The following FHIT variants were observed in gnomAD, a reference collection of about 807,000 sequenced individuals.
FHIT encodes fragile histidine triad diadenosine triphosphatase, also known as bis(5'-adenosyl)-triphosphatase.
Under a neutral mutation model 17.9 loss-of-function variants are expected in FHIT, and 19 were observed. The observed-to-expected ratio is 1.06, with a 90% CI of 0.74 to 1.56. The LOEUF is 1.56. FHIT is among the 40% of genes most tolerant of loss of function. FHIT has a pLI of 0.00. For missense variants in FHIT, 248 were observed against 189.2 expected, an observed-to-expected ratio of 1.31 and a Z score of -1.82; for synonymous variants, 81 against 69.7, an observed-to-expected ratio of 1.16 and a Z score of -0.81.
At chr3:59,759,909 A>T (rs953334704) in intron 8 of FHIT, among the ~76,000 whole-genome samples, 81 of 152,236 alleles carry the variant, frequency 5.3e-4, no homozygotes, top group African/African-American at 1.9e-3. Flanking sequence ...AGTTCTTTGA[A>T]TATTACTTAG....
At chr3:60,017,415 G>A (rs1231414138) in intron 5 of FHIT, among the ~76,000 whole-genome samples, 1 of 152,150 alleles carries the variant, frequency 6.6e-6, no homozygotes. Context: ...CTGGCATTTT[G>A]CCCCTTCTCA....
At chr3:60,282,973 T>C (rs539761998) in intron 5 of FHIT, among the ~76,000 whole-genome samples, 60 of 152,080 alleles carry the variant, frequency 3.9e-4, no homozygotes, top group African/African-American at 1.4e-3. Flanking sequence ...GTTCCAAGAA[T>C]GGAGCTTAAA....
chr3:60,821,089 C>T (rs1422137872), intron 4 of FHIT, among the ~76,000 whole-genome samples: 1 of 151,974 alleles, frequency 6.6e-6, no homozygotes, highest in African/African-American at 2.4e-5. Context: ...GATTCTCCTG[C>T]CTCAGCCTCC....
intron 5 of FHIT, among the ~76,000 whole-genome samples, chr3:60,161,276 CCTTCCCATGG>C (rs1364816388): frequency 6.6e-6 from 1 of 152,174 alleles, no homozygotes. Flanking sequence ...ACAACCAAAC[CCTTCCCATGG>C]GCATCACGAA....
At chr3:60,726,988 C>T (rs1430170515) in intron 4 of FHIT, among the ~76,000 whole-genome samples, 1 of 152,128 alleles carries the variant, frequency 6.6e-6, no homozygotes, top group African/African-American at 2.4e-5. Context: ...TTTATAATAA[C>T]TTTATACACC....
chr3:60,860,337 G>T (rs1265845213), intron 3 of FHIT, among the ~76,000 whole-genome samples: 2 of 145,448 alleles, frequency 1.4e-5, no homozygotes, highest in Admixed American at 1.4e-4. Flanking sequence ...ATGTATACAT[G>T]AGATACATCA....
intron 8 of FHIT, among the ~76,000 whole-genome samples, chr3:59,788,883 T>A (rs1559606788): frequency 1.7e-5 from 2 of 119,050 alleles, no homozygotes; most frequent in Admixed American, 8.8e-5. Context: ...GTTCATATGT[T>A]TTTTTTTTTT....
chr3:60,169,542 C>T (rs1576242162), intron 5 of FHIT, among the ~76,000 whole-genome samples: 1 of 152,166 alleles, frequency 6.6e-6, no homozygotes, highest in African/African-American at 2.4e-5. Flanking sequence ...ATAATCTTTG[C>T]AACTCCATAG....
At chr3:60,173,414 C>T (rs947649203) in intron 5 of FHIT, among the ~76,000 whole-genome samples, 2 of 152,156 alleles carry the variant, frequency 1.3e-5, no homozygotes, top group Middle Eastern at 3.2e-3. Flanking sequence ...GAATGTTCAT[C>T]CATGGATGCA....
At chr3:60,629,640 T>A (rs535678850) in intron 4 of FHIT, among the ~76,000 whole-genome samples, 148 of 152,332 alleles carry the variant, frequency 9.7e-4, no homozygotes, top group African/African-American at 3.5e-3. Flanking sequence ...TCCAACTCTA[T>A]CTTTCTCTGA....
intron 5 of FHIT, among the ~76,000 whole-genome samples, chr3:60,127,572 TA>T (rs2107249312): frequency 6.6e-6 from 1 of 152,288 alleles, no homozygotes; most frequent in South Asian, 2.1e-4. Context: ...TCTTATTTTT[TA>T]TGCTTAAATA....
At chr3:60,679,596 A>G (rs563517880) in intron 4 of FHIT, among the ~76,000 whole-genome samples, 2 of 152,224 alleles carry the variant, frequency 1.3e-5, no homozygotes, top group East Asian at 3.9e-4. Context: ...TTATTTAACA[A>G]TTTCACTGTT....
At chr3:60,137,856 T>C (rs993138692) in intron 5 of FHIT, among the ~76,000 whole-genome samples, 4 of 152,226 alleles carry the variant, frequency 2.6e-5, no homozygotes, top group South Asian at 2.1e-4. Context: ...AAGCAACATC[T>C]ACACATAAGA....
chr3:60,065,702 C>T (rs4124060), intron 5 of FHIT, among the ~76,000 whole-genome samples: 1 of 152,188 alleles, frequency 6.6e-6, no homozygotes, highest in Admixed American at 6.5e-5. Flanking sequence ...ACAGAGCTTC[C>T]TGTAGCAGGA....
At chr3:60,630,932 A>AT (rs1409925310) in intron 4 of FHIT, among the ~76,000 whole-genome samples, 2 of 101,446 alleles carry the variant, frequency 2.0e-5, no homozygotes, top group Non-Finnish European at 4.0e-5. Flanking sequence ...TTCCCAGGTC[A>AT]TTAAAAAAAA....
intron 3 of FHIT, among the ~76,000 whole-genome samples, chr3:60,920,012 C>T (rs1370110174): frequency 4.7e-5 from 7 of 149,416 alleles, no homozygotes; most frequent in East Asian, 2.0e-4. Context: ...CCAGCCTGGG[C>T]GACAGAGCGA....
At chr3:60,693,497 A>G (rs2041040785) in intron 4 of FHIT, among the ~76,000 whole-genome samples, 2 of 152,190 alleles carry the variant, frequency 1.3e-5, no homozygotes, top group African/African-American at 4.8e-5. Context: ...CAGCCTCTGA[A>G]AATCCCTGTG....
intron 4 of FHIT, chr3:60,617,983 A>T: frequency 3.7e-6 from 1 of 270,818 alleles, no homozygotes; most frequent in South Asian, 4.5e-5. Flanking sequence ...CAAATCAAAG[A>T]ATTAGTAAAT....
At chr3:61,075,710 TAATA>T (rs1391985996) in intron 2 of FHIT, among the ~76,000 whole-genome samples, 1 of 152,014 alleles carries the variant, frequency 6.6e-6, no homozygotes, top group Admixed American at 6.6e-5. Flanking sequence ...TACATTTTGA[TAATA>T]AATAATAAAT....
Sources: gnomAD v4.1 joint callset for allele counts (sites outside exome capture counted in the v4.1 genomes callset) on GRCh38, gnomAD v4.1.1 for gene constraint, MANE v1.5 for transcripts, NCBI Gene and HGNC (gene_info 2026-07-23, HGNC 2026-07-21) for gene names.